The following FBXL2 variants were observed in gnomAD, a reference collection of about 807,000 sequenced individuals.
FBXL2 encodes F-box/LRR-repeat protein 2.
A neutral mutation model predicts 69.2 loss-of-function variants in FBXL2; 38 were observed. The observed-to-expected ratio is 0.55, with a 90% CI of 0.42 to 0.72. The LOEUF is 0.72. Ranked by LOEUF, FBXL2 falls within the 30% of genes least tolerant of loss-of-function variation. The probability of loss-of-function intolerance (pLI) is 0.00; values close to 1 mark genes in which losing one functional copy is unlikely to be tolerated. For synonymous variants in FBXL2, 192 were observed against 201.3 expected (o/e 0.95, Z 0.39); for missense variants, 354 against 520.3 (o/e 0.68, Z 3.11).
downstream of FBXL2, among the ~76,000 whole-genome samples, chr3:33,405,005 T>C (rs2044379048): frequency 6.6e-6 from 1 of 152,236 alleles, no homozygotes; most frequent in Admixed American, 6.5e-5. Context: ...GTTGTTTTGA[T>C]AAATTGGTAC....
At chr3:33,379,797 TATA>T (rs886254538) in intron 13 of FBXL2, among the ~76,000 whole-genome samples, 1 of 151,964 alleles carries the variant, frequency 6.6e-6, no homozygotes, top group Non-Finnish European at 1.5e-5. Context: ...TAGAAATAAT[TATA>T]ATACCATGGC....
chr3:33,384,742 T>C (rs933247481), intron 14 of FBXL2, among the ~76,000 whole-genome samples: 12 of 151,556 alleles, frequency 7.9e-5, no homozygotes, highest in African/African-American at 2.4e-4. Context: ...GTAGCCCTTA[T>C]AAGAAAGCCT....
the FBXL2 span, among the ~76,000 whole-genome samples, chr3:33,420,488 CTTTTT>C: frequency 8.3e-6 from 1 of 120,632 alleles, no homozygotes; most frequent in Non-Finnish European, 1.7e-5. Context: ...ACCATACTGG[CTTTTT>C]TTTTTTTTTT....
At chr3:33,358,291 A>G (rs2041358119) in intron 2 of FBXL2, among the ~76,000 whole-genome samples, 1 of 152,166 alleles carries the variant, frequency 6.6e-6, no homozygotes, top group South Asian at 2.1e-4. Flanking sequence ...CTCACATACT[A>G]TGAGCAGCAG....
the FBXL2 span, among the ~76,000 whole-genome samples, chr3:33,411,145 G>C: frequency 6.6e-6 from 1 of 151,574 alleles, no homozygotes; most frequent in Non-Finnish European, 1.5e-5. Context: ...GCTAAAGCCA[G>C]GTGATGGTTA....
At chr3:33,317,454 ACTGT>A (rs1374059026) in intron 2 of FBXL2, 9 of 456,358 alleles carry the variant, frequency 2.0e-5, no homozygotes, top group African/African-American at 1.2e-4. Flanking sequence ...TCCCTCAACT[ACTGT>A]CTCTCACCCC....
intron 1 of FBXL2, among the ~76,000 whole-genome samples, chr3:33,280,537 A>G (rs7637379): frequency 0.049 from 7,441 of 152,014 alleles, 217 homozygotes; most frequent in Middle Eastern, 0.082. Flanking sequence ...GGTGAGACCC[A>G]TCTCTACTAA....
At chr3:33,379,336 G>A (rs1319132019) in intron 13 of FBXL2, among the ~76,000 whole-genome samples, 1 of 151,776 alleles carries the variant, frequency 6.6e-6, no homozygotes, top group Admixed American at 6.6e-5. Flanking sequence ...TCTGTTTTAG[G>A]AAATAAGACA....
At chr3:33,320,004 A>G (rs925160328) in intron 2 of FBXL2, among the ~76,000 whole-genome samples, 12 of 152,170 alleles carry the variant, frequency 7.9e-5, no homozygotes, top group South Asian at 4.1e-4. Context: ...CAAGAAATAT[A>G]TTCATGTATA....
intron 4 of FBXL2, 27 bp from the exon 5 acceptor site, chr3:33,364,598 T>C: frequency 6.3e-7 from 1 of 1,598,428 alleles, no homozygotes; most frequent in Non-Finnish European, 8.6e-7. Context: ...AACAGTATTT[T>C]TTCCTCCCGA....
At chr3:33,396,862 T>C (rs2044017106) in intron 12 of FBXL2, 2 of 694,784 alleles carry the variant, frequency 2.9e-6, no homozygotes, top group Non-Finnish European at 5.3e-6. Context: ...AGTGCCTGCA[T>C]CATATCTGGG....
chr3:33,393,346 C>A lies in FBXL2; in HGVS notation n.1214+7618C>A, dbSNP rs371549719. 9.6e-5 allele frequency: 154 copies of A among 1,611,132 alleles called. No individual in the cohort carries two copies. The highest frequency in any genetic ancestry group is 1.2e-4 in the Non-Finnish European group (147 of 1,178,850). ...AACAAGAATGTGAATACCGGTGGGA[C>A]CCTGTCTGTAAACCTGATTAATTTG... On this transcript the variant is annotated intron_variant and non_coding_transcript_variant, in intron 12 of 12. Coordinates refer to the FBXL2 transcript ENST00000463736.
intron 1 of FBXL2, among the ~76,000 whole-genome samples, chr3:33,292,529 A>G (rs2035335625): frequency 6.6e-6 from 1 of 152,198 alleles, no homozygotes; most frequent in Admixed American, 6.5e-5. Flanking sequence ...GAACTTGTGA[A>G]GAAAAAAAAA....
At chr3:33,376,081 G>T (rs111567228) in intron 10 of FBXL2, among the ~76,000 whole-genome samples, 1 of 151,738 alleles carries the variant, frequency 6.6e-6, no homozygotes, top group African/African-American at 2.4e-5. Flanking sequence ...GCTTGAACCC[G>T]CGAGGCGGAG....
chr3:33,334,209 C>A (rs2039386817), intron 2 of FBXL2, among the ~76,000 whole-genome samples: 1 of 152,110 alleles, frequency 6.6e-6, no homozygotes, highest in African/African-American at 2.4e-5. Context: ...AGAAAATAGT[C>A]AATGTAGTCT....
In FBXL2 at chr3:33,319,740, A is replaced by C. The variant is rs1006896710; in HGVS notation, c.65+22015A>C. 6.7e-4 allele frequency among the ~76,000 whole-genome samples: 102 copies of C among 152,220 alleles called. 2 individuals carry two copies. The highest frequency in any genetic ancestry group is 2.3e-3 in the African/African-American group (97 of 41,458). ...AACTTTTATTTTTTTAAAAAATTGA[A>C]ATATCAAAGCATTTCTTTATTCATT... On this transcript the variant is annotated intron_variant, in intron 2 of 14. Transcript: ENST00000484457.
At chr3:33,300,396 A>G (rs2036163083) in intron 2 of FBXL2, 2 of 152,216 alleles carry the variant, frequency 1.3e-5, no homozygotes, top group African/African-American at 4.8e-5. Flanking sequence ...TGTCATCACT[A>G]CTTATAGCTT....
chr3:33,365,549 G>A (rs562585788), intron 5 of FBXL2, among the ~76,000 whole-genome samples: 1 of 152,114 alleles, frequency 6.6e-6, no homozygotes, highest in Non-Finnish European at 1.5e-5. Context: ...GGGATTACAG[G>A]TGTGAGCCAC....
chr3:33,312,524 T>A (rs72863716), intron 2 of FBXL2, among the ~76,000 whole-genome samples: 3,942 of 152,262 alleles, frequency 0.026, 79 homozygotes, highest in Admixed American at 0.058. Flanking sequence ...TACTTTGATC[T>A]TGGCAGAGTG....
Sources: allele counts gnomAD v4.1 joint callset (sites outside exome capture counted in the v4.1 genomes callset), GRCh38; gene constraint gnomAD v4.1.1; transcripts MANE v1.5; gene names NCBI Gene and HGNC (gene_info 2026-07-23, HGNC 2026-07-21).